P2RX5: variants seen among roughly 807,000 people sequenced by gnomAD.
P2RX5 encodes the protein purinergic receptor P2X 5, also known as P2X purinoceptor 5.
A neutral mutation model predicts 54.1 loss-of-function variants in P2RX5; 46 were observed. The observed-to-expected ratio is 0.85, with a 90% CI of 0.67 to 1.09. The LOEUF (loss-of-function observed/expected upper bound fraction) is 1.09. Among genes scored for constraint, P2RX5 ranks in the 50% least tolerant of loss-of-function variants. P2RX5 has a pLI of 0.00. For missense variants in P2RX5, 566 were observed against 549.8 expected, an observed-to-expected ratio of 1.03 and a Z score of -0.29; for synonymous variants, 226 against 226.4, an observed-to-expected ratio of 1.00 and a Z score of 0.02.
chr17:3,697,146 G>T (rs900785381), upstream of P2RX5, among the ~76,000 whole-genome samples: 1 of 151,966 alleles, frequency 6.6e-6, no homozygotes, highest in Non-Finnish European at 1.5e-5. Context: ...GTGCGGGGGT[G>T]GGGGGCAGAC....
intron 11 of P2RX5, chr17:3,676,626 T>C (rs2050111392): frequency 1.0e-6 from 1 of 983,936 alleles, no homozygotes; most frequent in African/African-American, 1.8e-5. Flanking sequence ...CTTTTTCCCC[T>C]GAGAACCAGG....
intron 11 of P2RX5, chr17:3,678,216 G>A: frequency 2.4e-6 from 1 of 419,162 alleles, no homozygotes; most frequent in Non-Finnish European, 3.2e-6. Flanking sequence ...ACCAGAGGCA[G>A]CAACGCTCCT....
chr17:3,720,420 G>A, the P2RX5 span: 203 of 1,114,562 alleles, frequency 1.8e-4, no homozygotes, highest in Non-Finnish European at 2.6e-4. Context: ...ATGGGGAAAG[G>A]AATGAGGGAA....
the P2RX5 span, among the ~76,000 whole-genome samples, chr17:3,707,273 A>G: frequency 6.6e-6 from 1 of 152,126 alleles, no homozygotes; most frequent in Non-Finnish European, 1.5e-5. Flanking sequence ...TTCGTAATGC[A>G]ACGTTTGGGA....
At chr17:3,697,802 C>T (rs982571514), upstream of P2RX5, among the ~76,000 whole-genome samples, 4 of 152,138 alleles carry the variant, frequency 2.6e-5, no homozygotes, top group African/African-American at 9.7e-5. Context: ...GTTATTATTG[C>T]CCACCCAAAG....
chr17:3,723,605 C>G, the P2RX5 span: 6 of 1,398,992 alleles, frequency 4.3e-6, no homozygotes, highest in Non-Finnish European at 5.8e-6. Flanking sequence ...CAGGGGTAAC[C>G]CAGGAAAAAC....
chr17:3,676,834 G>A (rs975835869), intron 11 of P2RX5, among the ~76,000 whole-genome samples: 1 of 152,210 alleles, frequency 6.6e-6, no homozygotes, highest in Non-Finnish European at 1.5e-5. Context: ...GGCCAAGGCT[G>A]GCGGATCACC....
At chr17:3,704,124 C>A in the P2RX5 span, among the ~76,000 whole-genome samples, 2 of 111,954 alleles carry the variant, frequency 1.8e-5, no homozygotes, top group East Asian at 5.8e-4. Flanking sequence ...CAAACAAAAC[C>A]CAAAAAACCA....
chr17:3,713,750 C>CAA, the P2RX5 span, among the ~76,000 whole-genome samples: 17,767 of 140,702 alleles, frequency 0.13, 3,701 homozygotes, highest in African/African-American at 0.44. Context: ...AACTCTGTCT[C>CAA]AAAAAAAAAA....
chr17:3,690,837 G>A, intron 3 of P2RX5, 119 bp downstream of exon 3: 3 of 1,133,314 alleles, frequency 2.6e-6, no homozygotes, highest in Non-Finnish European at 3.9e-6. Context: ...ACACCCGGGT[G>A]CACACAGCCA....
the P2RX5 span, among the ~76,000 whole-genome samples, chr17:3,719,511 C>T: frequency 6.6e-6 from 1 of 152,160 alleles, no homozygotes; most frequent in Non-Finnish European, 1.5e-5. Context: ...CAGGGTAACA[C>T]ACAAAGCATT....
the P2RX5 span, chr17:3,723,505 C>A: frequency 2.0e-6 from 2 of 983,994 alleles, no homozygotes; most frequent in East Asian, 2.5e-5. Flanking sequence ...AATTTCAGCG[C>A]TCACCTCGGC....
chr17:3,675,224 G>C (rs771212072), intron 11 of P2RX5: 2 of 325,782 alleles, frequency 6.1e-6, no homozygotes, highest in Non-Finnish European at 8.8e-6. Flanking sequence ...TATTTTAGTA[G>C]AGACAGGGTT....
chr17:3,714,953 G>A, the P2RX5 span: 2 of 1,541,478 alleles, frequency 1.3e-6, no homozygotes, highest in Non-Finnish European at 1.8e-6. Context: ...CTGAAACAAA[G>A]GAAGGAAAAG....
In P2RX5 at chr17:3,673,524, A is replaced by G; in HGVS notation, c.*344T>C. On this transcript the variant is annotated 3_prime_UTR_variant, in exon 12 of 12. Transcript: ENST00000225328. ...CAGTGAGGTAATCTAGGAACTCTAC[A>G]GGGCACTGCGGTCCTTAGCTGAGGT... 2 of 1,272,256 alleles carry G rather than the reference A, an allele frequency of 1.6e-6. No homozygotes were observed. The highest frequency in any genetic ancestry group is 2.0e-6 in the Non-Finnish European group (2 of 997,788). The allele number at this position is 1,272,256 out of a possible 1,614,324, so 78.8% of individuals were successfully genotyped here.
At chr17:3,698,615 C>G (rs1437574290), upstream of P2RX5, among the ~76,000 whole-genome samples, 1 of 152,168 alleles carries the variant, frequency 6.6e-6, no homozygotes, top group Non-Finnish European at 1.5e-5. Context: ...CAGGCACTTG[C>G]CCTCCATGTC....
At chr17:3,704,584 A>G in the P2RX5 span, among the ~76,000 whole-genome samples, 1 of 152,218 alleles carries the variant, frequency 6.6e-6, no homozygotes, top group Non-Finnish European at 1.5e-5. Flanking sequence ...ACCTTGTGTG[A>G]CCCACCGTAA....
intron 8 of P2RX5, 138 bp from the exon 9 acceptor site, chr17:3,688,243 C>A: frequency 2.9e-6 from 2 of 683,628 alleles, no homozygotes; most frequent in African/African-American, 1.8e-5. Context: ...GGCTTGCAGA[C>A]CTTCTCACTG....
chr17:3,696,290 C>T, upstream of P2RX5: 1 of 233,946 alleles, frequency 4.3e-6, no homozygotes, highest in Non-Finnish European at 7.9e-6. Context: ...CTCCTCCTCC[C>T]CTGACACAGT....
Sources: allele counts gnomAD v4.1 joint callset (sites outside exome capture counted in the v4.1 genomes callset), GRCh38; gene constraint gnomAD v4.1.1; transcripts MANE v1.5; gene names NCBI Gene and HGNC (gene_info 2026-07-23, HGNC 2026-07-21).